The following ZDHHC11 variants were observed in gnomAD, a reference collection of about 807,000 sequenced individuals.
ZDHHC11 encodes palmitoyltransferase ZDHHC11.
ZDHHC11 carries 44 observed loss-of-function variants against 51.3 expected under a neutral mutation model. The ratio of observed to expected loss-of-function variants is 0.86; its 90% CI spans 0.67 to 1.10. The LOEUF (loss-of-function observed/expected upper bound fraction) is 1.10, where lower values mean the gene tolerates loss of function less well. ZDHHC11 is among the 50% of genes least tolerant of loss of function. ZDHHC11 has a pLI of 0.00. For synonymous variants in ZDHHC11, 163 were observed against 222.0 expected (o/e 0.73, Z 2.36); for missense variants, 400 against 537.7 (o/e 0.74, Z 2.53).
chr5:857,413 C>T (rs1748408617), intron 1 of ZDHHC11, among the ~76,000 whole-genome samples: 1 of 152,180 alleles, frequency 6.6e-6, no homozygotes, highest in Admixed American at 6.5e-5. Context: ...CCCATCCCAC[C>T]CTATCAGGTC....
intron 4 of ZDHHC11, chr5:841,903 G>A (rs1469986013): frequency 2.0e-6 from 2 of 989,266 alleles, no homozygotes; most frequent in Non-Finnish European, 1.2e-6. Context: ...TCTGGAACTG[G>A]TGGCCTCGGG....
upstream of ZDHHC11, among the ~76,000 whole-genome samples, chr5:859,715 C>T (rs1008760886): frequency 1.3e-5 from 2 of 152,230 alleles, no homozygotes; most frequent in African/African-American, 2.4e-5. Flanking sequence ...ACTCGGAGCA[C>T]AGCTTCACCA....
chr5:837,524 G>T lies in ZDHHC11; in HGVS notation c.785-44C>A, dbSNP rs367601829. ...GAACAGGACAAGATACCAGCCCTGC[G>T]GCTTTGCACGGCGCCCACAGGACAG... is the stretch of plus-strand genomic sequence containing the variant. On this transcript the variant is annotated intron_variant, in intron 5 of 12. Coordinates refer to ENST00000283441, the MANE Select transcript of ZDHHC11 (RefSeq NM_024786.3). 3.8e-6 allele frequency: 6 copies of T among 1,588,200 alleles called. No individual in the cohort carries two copies. In the East Asian group the frequency reaches 1.1e-4, roughly 30 times the overall value.
chr5:857,804 C>T (rs1008557796), intron 1 of ZDHHC11, among the ~76,000 whole-genome samples: 9 of 146,498 alleles, frequency 6.1e-5, no homozygotes, highest in African/African-American at 1.5e-4. Flanking sequence ...TTTATGACAC[C>T]GTGGTCCCCT....
At chr5:855,861 G>A (rs1204363061), upstream of ZDHHC11, among the ~76,000 whole-genome samples, 2 of 134,838 alleles carry the variant, frequency 1.5e-5, no homozygotes, top group African/African-American at 3.1e-5. Flanking sequence ...GACAGACAGC[G>A]AGCGAGGGGC....
At chr5:819,038 CCACA>C (rs959716478) in intron 10 of ZDHHC11, among the ~76,000 whole-genome samples, 2 of 151,530 alleles carry the variant, frequency 1.3e-5, no homozygotes, top group Non-Finnish European at 3.0e-5. Flanking sequence ...TGACCACACA[CCACA>C]CACAAAACCA....
At chr5:855,447 G>A (rs1387405366), upstream of ZDHHC11, among the ~76,000 whole-genome samples, 3 of 149,178 alleles carry the variant, frequency 2.0e-5, no homozygotes, top group Non-Finnish European at 4.5e-5. Context: ...CGAGCCAGGG[G>A]GCACAGACCC....
In ZDHHC11 at chr5:819,492, T is replaced by C. The variant is rs545307316; in HGVS notation, c.1146+33A>G. 10 of 1,598,776 alleles carry C rather than the reference T, an allele frequency of 6.3e-6. 1 individual carries two copies. In the East Asian group the frequency reaches 2.0e-4, roughly 32 times the overall value. ...ACCACACATTCTGCACATGGCCCTG[T>C]CCTCGGGGACAGCGCCAGTGATTGC... is the stretch of plus-strand genomic sequence containing the variant. On this transcript the variant is annotated intron_variant, in intron 10 of 12. Coordinates refer to ENST00000283441, the MANE Select transcript of ZDHHC11 (RefSeq NM_024786.3).
chr5:841,422 G>T (rs1358723065), intron 4 of ZDHHC11: 1 of 965,142 alleles, frequency 1.0e-6, no homozygotes, highest in South Asian at 4.7e-5. Flanking sequence ...GGGTCACAGT[G>T]CCCACCCCTT....
At chr5:825,027 T>G (rs1742129454) in intron 8 of ZDHHC11, 137 bp downstream of exon 8, 1 of 848,660 alleles carries the variant, frequency 1.2e-6, no homozygotes, top group Non-Finnish European at 1.9e-6. Flanking sequence ...CCACCATCAT[T>G]CCCATGTGAG....
At chr5:813,795 TG>T (rs1740405497) in intron 11 of ZDHHC11, among the ~76,000 whole-genome samples, 1 of 147,190 alleles carries the variant, frequency 6.8e-6, no homozygotes, top group African/African-American at 2.6e-5. Context: ...GGGAGGAATA[TG>T]GCAGGCAGGC....
chr5:798,268 A>C (rs1181299878), intron 12 of ZDHHC11, among the ~76,000 whole-genome samples: 1 of 151,264 alleles, frequency 6.6e-6, no homozygotes, highest in Non-Finnish European at 1.5e-5. Flanking sequence ...CCTCAGGGCA[A>C]AGGCCAGCTG....
Position 817,732 on chromosome 5 carries a change from G to C in ZDHHC11, c.1146+1793C>G, listed in dbSNP as rs148433804. ...GGCATGTGGTTATGCAGCTGCTGCA[G>C]CACACTCATTACACACCCTTCCATG... is the stretch of plus-strand genomic sequence containing the variant. On this transcript the variant is annotated intron_variant, in intron 10 of 12. Coordinates refer to ENST00000283441, the MANE Select transcript of ZDHHC11 (RefSeq NM_024786.3). Among the ~76,000 whole-genome samples, 7 of 151,428 alleles carry C rather than the reference G, an allele frequency of 4.6e-5. 1 individual carries two copies. Among genetic ancestry groups the C allele is most frequent in the Non-Finnish European group, 1.0e-4 (7 of 67,642 alleles).
At chr5:820,214 G>C (rs1255390153) in intron 9 of ZDHHC11, among the ~76,000 whole-genome samples, 1 of 151,338 alleles carries the variant, frequency 6.6e-6, no homozygotes, top group Non-Finnish European at 1.5e-5. Context: ...TTACTTAAAA[G>C]ACCATAGTTA....
upstream of ZDHHC11, among the ~76,000 whole-genome samples, chr5:860,548 G>A (rs1486082279): frequency 3.9e-5 from 6 of 151,970 alleles, no homozygotes; most frequent in African/African-American, 1.5e-4. The surrounding 1 kb of genome is among the most constrained non-coding windows in gnomAD (Gnocchi z 4.2). Flanking sequence ...AAATACCTGA[G>A]ACGGAGTAAT....
intron 9 of ZDHHC11, chr5:821,198 G>A (rs1305645080): frequency 6.6e-6 from 1 of 151,530 alleles, no homozygotes; most frequent in South Asian, 2.1e-4. Context: ...GAAGAAGGAA[G>A]AGGGCCAGGG....
chr5:800,207 C>T (rs1478070877), intron 12 of ZDHHC11, among the ~76,000 whole-genome samples: 1 of 150,970 alleles, frequency 6.6e-6, no homozygotes, highest in East Asian at 1.9e-4. Flanking sequence ...TCTGAGGATA[C>T]CAGGGCTTTT....
chr5:848,432 C>G, intron 2 of ZDHHC11, 50 bp downstream of exon 2: 1 of 950,158 alleles, frequency 1.1e-6, no homozygotes, highest in Non-Finnish European at 1.5e-6. Context: ...GCACCAGGAC[C>G]CTGGAGGTGA....
At chr5:842,631 G>C (rs1376310889) in intron 4 of ZDHHC11, 1 of 985,586 alleles carries the variant, frequency 1.0e-6, no homozygotes, top group Non-Finnish European at 1.2e-6. Context: ...GCACCCCGAG[G>C]GGCTTCTCTG....
Sources: allele counts gnomAD v4.1 joint callset (sites outside exome capture counted in the v4.1 genomes callset), GRCh38; gene constraint gnomAD v4.1.1; non-coding constraint Gnocchi (gnomAD v3.1); transcripts MANE v1.5; gene names NCBI Gene and HGNC (gene_info 2026-07-23, HGNC 2026-07-21).